SMAD7: variants seen among roughly 807,000 people sequenced by gnomAD.
SMAD7 encodes the protein SMAD family member 7, also known as MAD (mothers against decapentaplegic, Drosophila) homolog 7.
In SMAD7, 8 loss-of-function variants were observed where a neutral mutation model predicts 38.7. That is an observed-to-expected ratio of 0.21 (90% CI 0.12 to 0.37). The LOEUF is 0.37. Among genes scored for constraint, SMAD7 ranks in the 10% least tolerant of loss-of-function variants. The probability of loss-of-function intolerance (pLI) is 1.00; values close to 1 mark genes in which losing one functional copy is unlikely to be tolerated. For missense variants in SMAD7, 477 were observed against 577.9 expected (o/e 0.83, Z 1.79); for synonymous variants, 327 against 265.1 (o/e 1.23, Z -2.27).
chr18:48,947,656 C>A (rs1369255059), intron 2 of SMAD7, among the ~76,000 whole-genome samples: 2 of 152,252 alleles, frequency 1.3e-5, no homozygotes, highest in Non-Finnish European at 2.9e-5. Flanking sequence ...CTGTCCCCAG[C>A]ACTGTGATGT....
intron 3 of SMAD7, among the ~76,000 whole-genome samples, chr18:48,939,386 C>A (rs1420144257): frequency 7.5e-6 from 1 of 133,558 alleles, no homozygotes; most frequent in Non-Finnish European, 1.6e-5. Flanking sequence ...CCCCCCCACA[C>A]CCCCCCAAAA....
At chr18:48,943,785 A>T (rs1406988146) in intron 2 of SMAD7, among the ~76,000 whole-genome samples, 2 of 152,126 alleles carry the variant, frequency 1.3e-5, no homozygotes, top group African/African-American at 4.8e-5. Flanking sequence ...GCCCATGGGA[A>T]TCCTTTAGTG....
intron 3 of SMAD7, among the ~76,000 whole-genome samples, chr18:48,931,593 C>T (rs2070001392): frequency 6.6e-6 from 1 of 152,232 alleles, no homozygotes; most frequent in African/African-American, 2.4e-5. Flanking sequence ...AAAATGGAAG[C>T]AGTCTTTGGC....
Position 48,921,927 on chromosome 18 carries a change from C to A in SMAD7, c.743-17G>T. On this transcript the variant is annotated splice_polypyrimidine_tract_variant and intron_variant, in intron 3 of 3. Transcript: ENST00000262158. This position sits in a 1 kb window ranked among gnomAD's most constrained non-coding sequence, Gnocchi z 6.4. ...GTTGGGAATCTAGAAAACACATTGG[C>A]AGAGAGGGTTAGTGGGGACAGGCAT... 1.3e-6 allele frequency: 2 copies of A among 1,579,334 alleles called. No individual in the cohort carries two copies. Among genetic ancestry groups the A allele is most frequent in the South Asian group, 1.2e-5 (1 of 86,878 alleles).
chr18:48,921,602 C>T lies in SMAD7; in HGVS notation c.1051G>A (p.Asp351Asn), dbSNP rs749041820. 2.4e-5 allele frequency: 39 copies of T among 1,613,712 alleles called. No individual in the cohort carries two copies. Among genetic ancestry groups the T allele is most frequent in the Non-Finnish European group, 2.5e-6 (3 of 1,179,686 alleles). Residue 351 changes from aspartate to asparagine, a missense_variant, in exon 4 of 4, where the codon GAC becomes AAC. By Grantham distance (23) the Asp-to-Asn change is conservative (BLOSUM62 1). Transcript: ENST00000262158. This position sits in a 1 kb window ranked among gnomAD's most constrained non-coding sequence, Gnocchi z 6.4. Reference protein sequence around the residue: ...FIKSATLDNPDSRTLLVHKVF... With the variant: ...FIKSATLDNPNSRTLLVHKVF... ...TTGTGTACCAACAGCGTCCTGGAGTCCGGGTTGTCCAGTGTGGCGGACTTG... is the reference window on the plus strand; with the variant it reads ...TTGTGTACCAACAGCGTCCTGGAGTTCGGGTTGTCCAGTGTGGCGGACTTG...
chr18:48,939,439 C>T (rs1290916267), intron 3 of SMAD7, among the ~76,000 whole-genome samples: 2 of 150,520 alleles, frequency 1.3e-5, no homozygotes, highest in Admixed American at 1.3e-4. Flanking sequence ...CCAGCAGCCC[C>T]GCCCCCGGGC....
intron 3 of SMAD7, among the ~76,000 whole-genome samples, chr18:48,923,160 G>A (rs1261626611): frequency 6.6e-6 from 1 of 152,214 alleles, no homozygotes; most frequent in East Asian, 1.9e-4. Flanking sequence ...GAAAAGCAGA[G>A]GGGAAGGGCC....
At chr18:48,924,125 T>G (rs982331264) in intron 3 of SMAD7, among the ~76,000 whole-genome samples, 1 of 148,756 alleles carries the variant, frequency 6.7e-6, no homozygotes, top group African/African-American at 2.5e-5. Context: ...GAGGGTGTTC[T>G]GAAACACAAG....
chr18:48,946,238 C>T (rs574645588), intron 2 of SMAD7, among the ~76,000 whole-genome samples: 1 of 152,268 alleles, frequency 6.6e-6, no homozygotes, highest in South Asian at 2.1e-4. Context: ...CATCTAGTAA[C>T]CCAAGACCAA....
intron 2 of SMAD7, among the ~76,000 whole-genome samples, chr18:48,946,326 C>T (rs770517606): frequency 6.6e-5 from 10 of 151,788 alleles, no homozygotes; most frequent in African/African-American, 9.7e-5. Flanking sequence ...TTCTCCCATA[C>T]GCAAAATGGG....
chr18:48,945,323 A>G (rs1400498519), intron 2 of SMAD7, among the ~76,000 whole-genome samples: 1 of 152,176 alleles, frequency 6.6e-6, no homozygotes, highest in Non-Finnish European at 1.5e-5. Flanking sequence ...TTAGCTGGGC[A>G]TGGTGACGGG....
At chr18:48,943,695 T>A (rs1446521123) in intron 2 of SMAD7, among the ~76,000 whole-genome samples, 1 of 152,076 alleles carries the variant, frequency 6.6e-6, no homozygotes, top group East Asian at 1.9e-4. Flanking sequence ...CAGGACAATG[T>A]CCCTGTGGGT....
chr18:48,938,919 T>C (rs1041974785), intron 3 of SMAD7, among the ~76,000 whole-genome samples: 1 of 152,072 alleles, frequency 6.6e-6, no homozygotes, highest in African/African-American at 2.4e-5. Flanking sequence ...TTGCATGCCT[T>C]TCAAAAGACA....
intron 3 of SMAD7, among the ~76,000 whole-genome samples, chr18:48,937,604 A>C (rs938025635): frequency 2.0e-5 from 3 of 152,194 alleles, no homozygotes; most frequent in African/African-American, 7.2e-5. Context: ...GGCACTGCAG[A>C]AGAGGCGGGG....
intron 3 of SMAD7, 28 bp downstream of exon 3, chr18:48,942,453 G>C (rs781151177): frequency 7.4e-6 from 11 of 1,487,790 alleles, no homozygotes; most frequent in Middle Eastern, 3.7e-4. Context: ...GGTTGGAATT[G>C]CCAGGAAAAT....
chr18:48,926,036 G>C (rs554165112), intron 3 of SMAD7, among the ~76,000 whole-genome samples: 1 of 152,216 alleles, frequency 6.6e-6, no homozygotes, highest in African/African-American at 2.4e-5. Context: ...GTGAGCCGCC[G>C]CACCCAGACC....
At chr18:48,928,562 G>A (rs1045571812) in intron 3 of SMAD7, among the ~76,000 whole-genome samples, 6 of 151,914 alleles carry the variant, frequency 3.9e-5, no homozygotes, top group Middle Eastern at 3.4e-3. Flanking sequence ...ACTGTCATCC[G>A]TCCACTGTCT....
chr18:48,948,633 G>C (rs1003607513), intron 1 of SMAD7, 196 bp from the exon 2 acceptor site: 4 of 421,882 alleles, frequency 9.5e-6, no homozygotes, highest in Non-Finnish European at 1.7e-5. Context: ...CAGCCTCGGC[G>C]CTCCGCTCCT....
chr18:48,942,409 C>A, intron 3 of SMAD7, 72 bp downstream of exon 3: 1 of 1,063,192 alleles, frequency 9.4e-7, no homozygotes, highest in Non-Finnish European at 1.4e-6. Flanking sequence ...AGAAGGCCAC[C>A]CCCATTCCTC....
Sources: gnomAD v4.1 joint callset for allele counts (sites outside exome capture counted in the v4.1 genomes callset) on GRCh38, gnomAD v4.1.1 for gene constraint, Gnocchi (gnomAD v3.1) non-coding constraint, MANE v1.5 for transcripts, NCBI Gene and HGNC (gene_info 2026-07-23, HGNC 2026-07-21) for gene names.